The following MRPL1 variants were observed in gnomAD, a reference collection of about 807,000 sequenced individuals.
The protein encoded by MRPL1 is mitochondrial ribosomal protein L1.
In MRPL1, 28 loss-of-function variants were observed where a neutral mutation model predicts 38.0. The ratio of observed to expected loss-of-function variants is 0.74; its 90% CI spans 0.55 to 1.01. The LOEUF (loss-of-function observed/expected upper bound fraction) is 1.01. MRPL1 is among the 50% of genes least tolerant of loss of function. MRPL1 has a pLI of 0.00. For missense variants in MRPL1, 358 were observed against 389.8 expected (o/e 0.92, Z 0.69); for synonymous variants, 123 against 126.7 (o/e 0.97, Z 0.20).
intron 1 of MRPL1, among the ~76,000 whole-genome samples, chr4:77,866,790 C>T (rs1356169236): frequency 6.6e-6 from 1 of 151,562 alleles, no homozygotes; most frequent in Non-Finnish European, 1.5e-5. Context: ...TCTTGTTGCC[C>T]AGGCTGGAGT....
intron 7 of MRPL1, among the ~76,000 whole-genome samples, chr4:77,922,062 GGTAGATATCT>G (rs1736593297): frequency 6.6e-6 from 1 of 151,884 alleles, no homozygotes. Flanking sequence ...ATGGTATAAA[GGTAGATATCT>G]GTTGATAGAA....
chr4:77,937,974 A>G (rs1392762410), intron 7 of MRPL1, among the ~76,000 whole-genome samples: 1 of 152,220 alleles, frequency 6.6e-6, no homozygotes, highest in African/African-American at 2.4e-5. Context: ...ATCAGGATCC[A>G]ACAAAGCTTT....
chr4:77,882,986 A>G (rs1296821798), intron 2 of MRPL1, among the ~76,000 whole-genome samples: 2 of 152,186 alleles, frequency 1.3e-5, no homozygotes. Context: ...ACCTGTTAGT[A>G]TGTCTTTCTG....
At chr4:77,929,568 C>G (rs1736798700) in intron 7 of MRPL1, among the ~76,000 whole-genome samples, 1 of 152,012 alleles carries the variant, frequency 6.6e-6, no homozygotes, top group African/African-American at 2.4e-5. Flanking sequence ...CTCAGAGCAC[C>G]CTTCTCCCAT....
chr4:77,923,953 A>G (rs1736648042), intron 7 of MRPL1, among the ~76,000 whole-genome samples: 1 of 151,568 alleles, frequency 6.6e-6, no homozygotes, highest in African/African-American at 2.4e-5. Flanking sequence ...GTGAGCCGAG[A>G]TTGCATCACT....
chr4:77,896,747 C>T (rs1735923195), intron 6 of MRPL1, among the ~76,000 whole-genome samples: 1 of 152,170 alleles, frequency 6.6e-6, no homozygotes, highest in Non-Finnish European at 1.5e-5. Context: ...GTACATTTTG[C>T]AGCTTGTTTA....
At chr4:77,896,971 C>T (rs955641498) in intron 6 of MRPL1, among the ~76,000 whole-genome samples, 4 of 150,272 alleles carry the variant, frequency 2.7e-5, no homozygotes, top group Non-Finnish European at 4.5e-5. Context: ...GTAATTCTTT[C>T]ATCTCTAATA....
intron 7 of MRPL1, among the ~76,000 whole-genome samples, chr4:77,922,037 G>T (rs753940614): frequency 7.2e-5 from 11 of 152,076 alleles, no homozygotes; most frequent in Non-Finnish European, 1.3e-4. Context: ...TTGCCTTCAT[G>T]GGATAGACGT....
intron 6 of MRPL1, among the ~76,000 whole-genome samples, chr4:77,899,384 T>C (rs1251175497): frequency 3.3e-5 from 5 of 152,144 alleles, no homozygotes; most frequent in African/African-American, 1.2e-4. Context: ...TCAACTATCC[T>C]TTCCAGCTGC....
intron 6 of MRPL1, among the ~76,000 whole-genome samples, chr4:77,906,186 T>C (rs1736154527): frequency 6.6e-6 from 1 of 152,112 alleles, no homozygotes; most frequent in Admixed American, 6.5e-5. Context: ...AAATAGCCAG[T>C]GAGAATCATG....
intron 7 of MRPL1, among the ~76,000 whole-genome samples, chr4:77,935,584 T>C (rs948663525): frequency 2.6e-5 from 4 of 151,958 alleles, no homozygotes; most frequent in Admixed American, 2.0e-4. Flanking sequence ...TTAGTAGAGA[T>C]AGGGTTTCGC....
At chr4:77,902,555 A>G (rs1195990781) in intron 6 of MRPL1, among the ~76,000 whole-genome samples, 1 of 152,184 alleles carries the variant, frequency 6.6e-6, no homozygotes, top group African/African-American at 2.4e-5. Context: ...GAAAAAGAAC[A>G]AACAATAGCA....
intron 7 of MRPL1, among the ~76,000 whole-genome samples, chr4:77,944,355 C>T (rs1297455069): frequency 2.0e-5 from 3 of 152,214 alleles, no homozygotes; most frequent in South Asian, 2.1e-4. Flanking sequence ...CTTTGTCTCA[C>T]ATTACCTTAT....
At chr4:77,942,173 T>G (rs1488528695) in intron 7 of MRPL1, among the ~76,000 whole-genome samples, 2 of 152,204 alleles carry the variant, frequency 1.3e-5, no homozygotes, top group Non-Finnish European at 2.9e-5. Context: ...TCTACGGTTT[T>G]GAGGGTTCCT....
intron 6 of MRPL1, among the ~76,000 whole-genome samples, chr4:77,894,509 G>A (rs1735872599): frequency 6.6e-6 from 1 of 151,848 alleles, no homozygotes; most frequent in African/African-American, 2.4e-5. Context: ...CCCAATTAGT[G>A]GAATGTATTA....
At chr4:77,873,494 G>C (rs914423169) in intron 2 of MRPL1, among the ~76,000 whole-genome samples, 5 of 152,166 alleles carry the variant, frequency 3.3e-5, no homozygotes, top group Admixed American at 3.3e-4. Flanking sequence ...ACAGTCCTCA[G>C]GTTATGGGAT....
intron 1 of MRPL1, among the ~76,000 whole-genome samples, chr4:77,863,461 ATTTTT>A (rs969402527): frequency 1.8e-5 from 2 of 112,688 alleles, no homozygotes; most frequent in African/African-American, 7.7e-5. Flanking sequence ...TTGTGCAACA[ATTTTT>A]TTTTTTTTTT....
intron 7 of MRPL1, among the ~76,000 whole-genome samples, chr4:77,913,548 A>G (rs1560468478): frequency 6.6e-6 from 1 of 152,232 alleles, no homozygotes; most frequent in Non-Finnish European, 1.5e-5. Flanking sequence ...GTTTGTGGGT[A>G]TGTTAAATGA....
intron 7 of MRPL1, among the ~76,000 whole-genome samples, chr4:77,936,502 C>T (rs989177058): frequency 1.3e-5 from 2 of 152,204 alleles, no homozygotes; most frequent in East Asian, 3.8e-4. Flanking sequence ...ATCCTTCAGT[C>T]TGTCTTCTGT....
Sources: allele counts gnomAD v4.1 joint callset (sites outside exome capture counted in the v4.1 genomes callset), GRCh38; gene constraint gnomAD v4.1.1; transcripts MANE v1.5; gene names NCBI Gene and HGNC (gene_info 2026-07-23, HGNC 2026-07-21).